The following CHSY1 variants were observed in gnomAD, a reference collection of about 807,000 sequenced individuals.
The protein encoded by CHSY1 is N-acetylgalactosaminyl-proteoglycan 3-beta-glucuronosyltransferase 1.
A neutral mutation model predicts 59.8 loss-of-function variants in CHSY1; 13 were observed. The ratio of observed to expected loss-of-function variants is 0.22; its 90% CI spans 0.14 to 0.35. CHSY1 has a LOEUF of 0.35. Ranked by LOEUF, CHSY1 falls within the 10% of genes least tolerant of loss-of-function variation. The probability of loss-of-function intolerance (pLI) is 1.00; values close to 1 mark genes in which losing one functional copy is unlikely to be tolerated. For synonymous variants in CHSY1, 459 were observed against 401.2 expected, an observed-to-expected ratio of 1.14 and a Z score of -1.72; for missense variants, 947 against 1,030.6, an observed-to-expected ratio of 0.92 and a Z score of 1.11.
intron 2 of CHSY1, among the ~76,000 whole-genome samples, chr15:101,220,681 C>A (rs974457923): frequency 2.6e-5 from 4 of 152,242 alleles, no homozygotes; most frequent in African/African-American, 9.6e-5. Context: ...AGGGCCCTCT[C>A]AGCTCACTGA....
At chr15:101,247,505 A>T (rs2039063619) in intron 1 of CHSY1, among the ~76,000 whole-genome samples, 1 of 152,144 alleles carries the variant, frequency 6.6e-6, no homozygotes, top group African/African-American at 2.4e-5. Context: ...CGTGTACTGC[A>T]GTGTCCCCCA....
rs1166138620 is a variant in CHSY1, at chr15:101,176,419, T to C, written c.*969A>G. 3 of 398,496 alleles carry C rather than the reference T, an allele frequency of 7.5e-6. No individual in the cohort carries two copies. Among genetic ancestry groups the C allele is most frequent in the African/African-American group, 6.2e-5 (3 of 48,634 alleles). 24.7% of individuals were successfully genotyped at this position (398,496 alleles called of 1,614,324 possible). On this transcript the variant is annotated 3_prime_UTR_variant, in exon 3 of 3. Coordinates refer to ENST00000254190, the MANE Select transcript of CHSY1 (RefSeq NM_014918.5). ...ACATCAGATTTATTGTAATAATTCA[T>C]CTTTGTCATTCTAAACATTAATATT...
At chr15:101,198,011 C>A (rs2038526813) in intron 2 of CHSY1, among the ~76,000 whole-genome samples, 1 of 152,150 alleles carries the variant, frequency 6.6e-6, no homozygotes, top group Non-Finnish European at 1.5e-5. Context: ...CAGACTGCGA[C>A]CTCATCGCCA....
intron 2 of CHSY1, among the ~76,000 whole-genome samples, chr15:101,215,649 C>T (rs1254720634): frequency 2.0e-5 from 3 of 152,182 alleles, no homozygotes; most frequent in Non-Finnish European, 2.9e-5. Context: ...GCAGGAGAAT[C>T]GCTTGAACCT....
At chr15:101,214,003 G>A (rs921386625) in intron 2 of CHSY1, among the ~76,000 whole-genome samples, 8 of 152,190 alleles carry the variant, frequency 5.3e-5, no homozygotes, top group South Asian at 2.1e-4. Context: ...AGATAGCCCA[G>A]GCATGGAAAA....
intron 1 of CHSY1, 145 bp downstream of exon 1, chr15:101,250,992 G>C (rs916229140): frequency 3.0e-5 from 22 of 721,618 alleles, no homozygotes; most frequent in African/African-American, 5.5e-5. Flanking sequence ...CCTCGGCCCG[G>C]CGTCTCCCGA....
chr15:101,214,967 C>G (rs1211090521), intron 2 of CHSY1, among the ~76,000 whole-genome samples: 1 of 152,206 alleles, frequency 6.6e-6, no homozygotes, highest in Admixed American at 6.5e-5. Context: ...TGAGTTCTCG[C>G]AAGATCTCGT....
chr15:101,182,120 C>A (rs558178907), intron 2 of CHSY1, among the ~76,000 whole-genome samples: 3 of 152,208 alleles, frequency 2.0e-5, no homozygotes, highest in African/African-American at 7.2e-5. Flanking sequence ...AGACCTCAAT[C>A]TACAGTACCT....
At chr15:101,225,980 T>A (rs1006282260) in intron 2 of CHSY1, among the ~76,000 whole-genome samples, 8 of 152,182 alleles carry the variant, frequency 5.3e-5, no homozygotes, top group African/African-American at 1.9e-4. Context: ...ATATACCCAA[T>A]GGTGGAACCA....
At chr15:101,200,274 C>T (rs150191056) in intron 2 of CHSY1, among the ~76,000 whole-genome samples, 137 of 152,260 alleles carry the variant, frequency 9.0e-4, no homozygotes, top group Middle Eastern at 3.4e-3. Context: ...GACGCCTTTA[C>T]GCAAAAATGC....
intron 1 of CHSY1, among the ~76,000 whole-genome samples, chr15:101,242,148 CCT>C (rs1323658705): frequency 4.0e-5 from 6 of 151,538 alleles, no homozygotes; most frequent in South Asian, 2.1e-4. Flanking sequence ...TACATTCTCC[CCT>C]GTTACAGAAG....
At chr15:101,243,052 T>C (rs1304712605) in intron 1 of CHSY1, among the ~76,000 whole-genome samples, 1 of 152,218 alleles carries the variant, frequency 6.6e-6, no homozygotes, top group Non-Finnish European at 1.5e-5. Context: ...GCCCTTTTTT[T>C]TCTTAATTAA....
chr15:101,247,031 C>T (rs1163193787), intron 1 of CHSY1, among the ~76,000 whole-genome samples: 2 of 152,340 alleles, frequency 1.3e-5, no homozygotes, highest in Non-Finnish European at 2.9e-5. Flanking sequence ...CACACACTTG[C>T]AGATGAGTCA....
intron 2 of CHSY1, among the ~76,000 whole-genome samples, chr15:101,213,695 C>G (rs2038704060): frequency 6.6e-6 from 1 of 152,096 alleles, no homozygotes; most frequent in Non-Finnish European, 1.5e-5. Flanking sequence ...CAAACTATTC[C>G]AAAACACTAC....
At chr15:101,179,893 G>T (rs1255449104) in intron 2 of CHSY1, among the ~76,000 whole-genome samples, 2 of 152,248 alleles carry the variant, frequency 1.3e-5, no homozygotes, top group African/African-American at 4.8e-5. Context: ...GTACATCTGG[G>T]CAAGGAGATG....
chr15:101,231,276 T>C (rs564242457), intron 2 of CHSY1, among the ~76,000 whole-genome samples: 4 of 152,354 alleles, frequency 2.6e-5, no homozygotes, highest in Admixed American at 1.3e-4. Context: ...AGTTCTTTTA[T>C]TTACCAAATG....
At chr15:101,204,010 C>G (rs1002109388) in intron 2 of CHSY1, among the ~76,000 whole-genome samples, 3 of 152,202 alleles carry the variant, frequency 2.0e-5, no homozygotes, top group Non-Finnish European at 4.4e-5. Flanking sequence ...TGTGCTGTAT[C>G]AACGTTAATT....
chr15:101,212,160 T>C lies in CHSY1; in HGVS notation c.816+22922A>G, dbSNP rs185279436. Among the ~76,000 whole-genome samples, 440 of 152,256 alleles carry C rather than the reference T, an allele frequency of 2.9e-3. 9 individuals carry two copies. The highest frequency in any genetic ancestry group is 9.6e-4 in the East Asian group (5 of 5,186). On this transcript the variant is annotated intron_variant, in intron 2 of 2. Transcript: ENST00000254190. ...GTCTAAAACCATAAAAGACTGAGAATGCCAAACAATGATGAGGACATGAAA... is the reference window on the plus strand; with the variant it reads ...GTCTAAAACCATAAAAGACTGAGAACGCCAAACAATGATGAGGACATGAAA...
intron 2 of CHSY1, among the ~76,000 whole-genome samples, chr15:101,229,903 C>T (rs2038876452): frequency 6.6e-6 from 1 of 151,682 alleles, no homozygotes; most frequent in African/African-American, 2.4e-5. Flanking sequence ...CGAGACTCTG[C>T]CTCAAAAATA....
Sources: gnomAD v4.1 joint callset for allele counts (sites outside exome capture counted in the v4.1 genomes callset) on GRCh38, gnomAD v4.1.1 for gene constraint, MANE v1.5 for transcripts, NCBI Gene and HGNC (gene_info 2026-07-23, HGNC 2026-07-21) for gene names.